KDM4B: variants seen among roughly 807,000 people sequenced by gnomAD.
KDM4B encodes lysine-specific demethylase 4B.
Under a neutral mutation model 125.2 loss-of-function variants are expected in KDM4B, and 32 were observed. That is an observed-to-expected ratio of 0.26 (90% CI 0.19 to 0.34). The LOEUF is 0.34. Ranked by LOEUF, KDM4B falls within the 10% of genes least tolerant of loss-of-function variation. The pLI is 1.00. For missense variants in KDM4B, 1,190 were observed against 1,577.7 expected, an observed-to-expected ratio of 0.75 and a Z score of 4.16; for synonymous variants, 721 against 677.9, an observed-to-expected ratio of 1.06 and a Z score of -0.99.
chr19:5,075,094 T>C (rs975225421), intron 7 of KDM4B: 1 of 152,402 alleles, frequency 6.6e-6, no homozygotes, highest in Admixed American at 6.5e-5. Flanking sequence ...GGAGCCGGGC[T>C]TCACCCGGGA....
chr19:5,040,674 T>TCTGTCTGTGGCCTCCACC (rs149751100), intron 4 of KDM4B, among the ~76,000 whole-genome samples: 49,357 of 149,914 alleles, frequency 0.33, 9,260 homozygotes, highest in East Asian at 0.68. Flanking sequence ...TGCCCTCCTC[T>TCTGTCTGTGGCCTCCACC]CTGTCTGTGG....
intron 6 of KDM4B, among the ~76,000 whole-genome samples, chr19:5,057,075 C>CGT (rs1568264195): frequency 1.9e-4 from 28 of 148,958 alleles, no homozygotes; most frequent in African/African-American, 7.0e-4. Context: ...TGCGCGCGCG[C>CGT]GCGTATGTTA....
chr19:4,969,704 C>G (rs928073866), intron 1 of KDM4B, among the ~76,000 whole-genome samples: 1 of 151,964 alleles, frequency 6.6e-6, no homozygotes, highest in Non-Finnish European at 1.5e-5. Context: ...GTTTCTGGCC[C>G]TTTGGGCGCC....
intron 1 of KDM4B, among the ~76,000 whole-genome samples, chr19:5,004,538 C>T (rs980354488): frequency 1.6e-4 from 25 of 152,192 alleles, no homozygotes; most frequent in African/African-American, 6.0e-4. Context: ...TGTCTGGGGA[C>T]GCTCGGCAGT....
Position 5,077,361 on chromosome 19 carries a change from C to T in KDM4B, c.677-6C>T. The T allele has an allele frequency of 1.2e-6, 2 of 1,611,682 alleles. No individual in the cohort carries two copies. The highest frequency in any genetic ancestry group is 2.2e-5 in the South Asian group (2 of 91,066). ...AGGAGACTGACGTCTGTCTTTTCGG[C>T]CCTAGGCTTCTTCCCCGGGAGCTCG... On this transcript the variant is annotated splice_polypyrimidine_tract_variant and splice_region_variant and intron_variant, in intron 7 of 22. Coordinates refer to ENST00000159111, the MANE Select transcript of KDM4B (RefSeq NM_015015.3).
At chr19:5,014,340 G>C (rs753102283) in intron 1 of KDM4B, among the ~76,000 whole-genome samples, 1 of 152,154 alleles carries the variant, frequency 6.6e-6, no homozygotes, top group Non-Finnish European at 1.5e-5. Flanking sequence ...GCAGTGGCAC[G>C]ATCTCGGCTC....
chr19:5,009,744 T>A (rs1250963838), intron 1 of KDM4B, among the ~76,000 whole-genome samples: 5 of 152,302 alleles, frequency 3.3e-5, no homozygotes, highest in Non-Finnish European at 7.3e-5. Flanking sequence ...GATTCTTTTT[T>A]TTTTTGAGTC....
At chr19:5,104,427 G>GTTTTT (rs2038997015) in intron 9 of KDM4B, among the ~76,000 whole-genome samples, 1 of 151,578 alleles carries the variant, frequency 6.6e-6, no homozygotes, top group Admixed American at 6.6e-5. Flanking sequence ...GTTGGAAACC[G>GTTTTT]TTTTGCTCTG....
intron 9 of KDM4B, among the ~76,000 whole-genome samples, chr19:5,091,186 G>A (rs1053634918): frequency 6.6e-6 from 1 of 152,226 alleles, no homozygotes; most frequent in African/African-American, 2.4e-5. Context: ...GGTGCCTGGT[G>A]CTGGTAGATA....
At chr19:5,042,689 G>GT (rs1288213955) in intron 5 of KDM4B, among the ~76,000 whole-genome samples, 1 of 151,408 alleles carries the variant, frequency 6.6e-6, no homozygotes, top group Non-Finnish European at 1.5e-5. Flanking sequence ...TGAGGGGGGG[G>GT]GCGCCGTAGG....
At chr19:5,147,163 C>T (rs942937568) in intron 21 of KDM4B, among the ~76,000 whole-genome samples, 1 of 152,056 alleles carries the variant, frequency 6.6e-6, no homozygotes, top group Non-Finnish European at 1.5e-5. Flanking sequence ...TCAGGCTGAG[C>T]ATGTGCCAGT....
At chr19:5,088,947 A>T (rs73919734) in intron 9 of KDM4B, among the ~76,000 whole-genome samples, 6,483 of 152,218 alleles carry the variant, frequency 0.043, 474 homozygotes, top group African/African-American at 0.15. Context: ...CAGTGAGAGA[A>T]GCCAGACCCA....
At chr19:5,090,061 GC>G (rs898977072) in intron 9 of KDM4B, among the ~76,000 whole-genome samples, 35 of 152,224 alleles carry the variant, frequency 2.3e-4, no homozygotes, top group East Asian at 1.4e-3. Flanking sequence ...CCAAAGCCTG[GC>G]CCCCTTCCTC....
intron 12 of KDM4B, 104 bp downstream of exon 12, chr19:5,131,649 A>AGGAGGGGGGCAGGTGGGGTGGGGCAG: frequency 8.6e-6 from 2 of 232,660 alleles, no homozygotes; most frequent in African/African-American, 4.4e-5. Flanking sequence ...GGGAGGGGGC[A>AGGAGGGGGGCAGGTGGGGTGGGGCAG]GGGAGGAGGG....
At chr19:5,129,084 C>T (rs1437753424) in intron 11 of KDM4B, among the ~76,000 whole-genome samples, 1 of 152,194 alleles carries the variant, frequency 6.6e-6, no homozygotes, top group Non-Finnish European at 1.5e-5. Context: ...TGGCTGCTCG[C>T]CTGTCCTTCT....
At chr19:5,023,412 G>A (rs1057171254) in intron 2 of KDM4B, among the ~76,000 whole-genome samples, 2 of 152,228 alleles carry the variant, frequency 1.3e-5, no homozygotes, top group Non-Finnish European at 2.9e-5. Flanking sequence ...GGCTGGGGCC[G>A]AGTGGCGTTC....
intron 8 of KDM4B, chr19:5,079,135 G>A (rs1197773729): frequency 6.6e-6 from 1 of 152,188 alleles, no homozygotes; most frequent in African/African-American, 2.4e-5. Context: ...CAATAGCAGA[G>A]CTTTTTAATA....
At chr19:4,984,513 C>T (rs919197948) in intron 1 of KDM4B, among the ~76,000 whole-genome samples, 2 of 152,112 alleles carry the variant, frequency 1.3e-5, no homozygotes, top group Admixed American at 1.3e-4. Context: ...CTGGGGGAAG[C>T]TGGACCCGAG....
chr19:5,094,867 C>A (rs919322405), intron 9 of KDM4B, among the ~76,000 whole-genome samples: 1 of 152,190 alleles, frequency 6.6e-6, no homozygotes, highest in Non-Finnish European at 1.5e-5. Flanking sequence ...TGCTAATAGC[C>A]GGGTGGGCTG....
Sources: gnomAD v4.1 joint callset for allele counts (sites outside exome capture counted in the v4.1 genomes callset) on GRCh38, gnomAD v4.1.1 for gene constraint, MANE v1.5 for transcripts, NCBI Gene and HGNC (gene_info 2026-07-23, HGNC 2026-07-21) for gene names.